TF: variants seen among roughly 807,000 people sequenced by gnomAD.
TF encodes serotransferrin.
TF carries 55 observed loss-of-function variants against 82.4 expected under a neutral mutation model. The observed-to-expected ratio is 0.67, with a 90% confidence interval of 0.54 to 0.84. The LOEUF (loss-of-function observed/expected upper bound fraction) is 0.84. TF is among the 40% of genes least tolerant of loss of function. The pLI, the probability that TF is intolerant of heterozygous loss-of-function variation, is 0.00. For missense variants in TF, 737 were observed against 868.4 expected (o/e 0.85, Z 1.90); for synonymous variants, 332 against 332.6 (o/e 1.00, Z 0.02).
chr3:133,726,730 G>T, the TF span, among the ~76,000 whole-genome samples: 1 of 152,130 alleles, frequency 6.6e-6, no homozygotes, highest in Non-Finnish European at 1.5e-5. Context: ...TGCATTTCTA[G>T]TTGTTTTAAT....
rs543821245 is a variant in TF, at chr3:133,781,723, T to G, written c.*3103T>G. On this transcript the variant is annotated 3_prime_UTR_variant, in exon 17 of 17. Coordinates refer to ENST00000402696, the MANE Select transcript of TF (RefSeq NM_001063.4). ...AGCTCTTCCAGCTGTTAAAATGTAATGATAAGCTCCTGAACCTTGGCCTTA... is the reference window on the plus strand; with the variant it reads ...AGCTCTTCCAGCTGTTAAAATGTAAGGATAAGCTCCTGAACCTTGGCCTTA... The G allele has an allele frequency of 6.6e-6, 1 of 152,262 alleles. No individual in the cohort carries two copies. The highest frequency in any genetic ancestry group is 2.4e-5 in the African/African-American group (1 of 41,552). The allele number at this position is 152,262 out of a possible 1,614,324, so 9.4% of individuals were successfully genotyped here.
intron 14 of TF, chr3:133,773,209 C>CACTGT (rs1404164095): frequency 2.6e-5 from 4 of 151,446 alleles, no homozygotes; most frequent in African/African-American, 9.7e-5. Context: ...TGTTGCTAGG[C>CACTGT]TGGAGTGCAG....
At chr3:133,699,378 C>A in the TF span, 1 of 811,570 alleles carries the variant, frequency 1.2e-6, no homozygotes, top group Non-Finnish European at 1.9e-6. Context: ...CGGTGAGGGG[C>A]ATGGGTCATC....
intron 2 of TF, among the ~76,000 whole-genome samples, chr3:133,749,938 T>C (rs1400868384): frequency 1.3e-5 from 2 of 152,044 alleles, no homozygotes; most frequent in African/African-American, 2.4e-5. Context: ...GGCTGGTCAG[T>C]GTAAATGTGA....
At chr3:133,741,527 G>A (rs1933388652), upstream of TF, among the ~76,000 whole-genome samples, 1 of 152,166 alleles carries the variant, frequency 6.6e-6, no homozygotes, top group Admixed American at 6.5e-5. Flanking sequence ...TATTCAGCAT[G>A]CCACATTAAG....
rs908358998 is a variant in TF at position 133,788,336 on chromosome 3, T to C, written c.*9716T>C. 5 of 152,244 alleles carry C rather than the reference T, an allele frequency of 3.3e-5. No homozygotes were observed. The highest frequency in any genetic ancestry group is 1.2e-4 in the African/African-American group (5 of 41,472). 9.4% of individuals were successfully genotyped at this position (152,244 alleles called of 1,614,324 possible). A position where few individuals can be genotyped will look rare whatever the true frequency, so the allele number is the denominator to read the frequency against. On this transcript the variant is annotated 3_prime_UTR_variant, in exon 17 of 17. Coordinates refer to ENST00000402696, the MANE Select transcript of TF (RefSeq NM_001063.4). ...ATCCTCTTCATTTACATAAGGCATA[T>C]ACCAAGTAACCAATGGAAACCTTGA...
chr3:133,696,145 C>T, the TF span, among the ~76,000 whole-genome samples: 1 of 152,054 alleles, frequency 6.6e-6, no homozygotes, highest in African/African-American at 2.4e-5. Context: ...TCAATTTTGG[C>T]TGGGCAGAGT....
rs142306321 is a variant in TF, at chr3:133,761,131, A to G, written c.1203+1802A>G. On this transcript the variant is annotated intron_variant, in intron 9 of 16. Transcript: ENST00000402696. ...AGTGCCCTCGGTTATTGCAGTAATC[A>G]TGTTCATGAGTAGACACACAGGACT... The G allele has an allele frequency of 5.3e-3, 990 of 185,524 alleles. 9 individuals are homozygous for G. Among genetic ancestry groups the G allele is most frequent in the African/African-American group, 0.021 (882 of 42,316 alleles). 11.5% of individuals were successfully genotyped at this position (185,524 alleles called of 1,614,324 possible).
At chr3:133,729,447 T>A in the TF span, among the ~76,000 whole-genome samples, 7 of 152,190 alleles carry the variant, frequency 4.6e-5, no homozygotes, top group African/African-American at 1.7e-4. Context: ...TCCGTGGGCG[T>A]AGGACCCTCT....
At chr3:133,705,889 TAAGA>T in the TF span, among the ~76,000 whole-genome samples, 1 of 152,208 alleles carries the variant, frequency 6.6e-6, no homozygotes, top group Non-Finnish European at 1.5e-5. Context: ...AGTTAATTGT[TAAGA>T]TGCAAACCTA....
the TF span, chr3:133,699,522 T>A: frequency 2.4e-5 from 25 of 1,036,376 alleles, no homozygotes; most frequent in African/African-American, 4.1e-4. Flanking sequence ...GGTAGTTGGA[T>A]ACAAGGACTG....
chr3:133,674,750 CCGGACAGTCAG>C, the TF span, among the ~76,000 whole-genome samples: 68 of 152,304 alleles, frequency 4.5e-4, no homozygotes, highest in Admixed American at 1.1e-3. Flanking sequence ...TGCGCGACAA[CCGGACAGTCAG>C]CGGGCCTGCG....
chr3:133,794,227 G>A lies in TF; in HGVS notation c.*15607G>A, dbSNP rs557569517. Reference sequence around the variant, plus strand: ...GTAAAATTTCTGCATTACATGACTCGTCACGGAAAAGATAAAATGATCCAA... The same window carrying A: ...GTAAAATTTCTGCATTACATGACTCATCACGGAAAAGATAAAATGATCCAA... On this transcript the variant is annotated 3_prime_UTR_variant, in exon 17 of 17. Transcript: ENST00000402696. The A allele has an allele frequency of 3.9e-5, 6 of 152,206 alleles. No individual in the cohort carries two copies. The highest frequency in any genetic ancestry group is 2.1e-4 in the South Asian group (1 of 4,814). 9.4% of individuals were successfully genotyped at this position (152,206 alleles called of 1,614,324 possible).
intron 2 of TF, 186 bp downstream of exon 2, chr3:133,748,770 C>A: frequency 4.1e-6 from 3 of 733,770 alleles, no homozygotes; most frequent in Admixed American, 4.9e-5. Flanking sequence ...AAGCAAAAGT[C>A]AAAAAGCACA....
chr3:133,666,735 G>A, the TF span, among the ~76,000 whole-genome samples: 1 of 151,972 alleles, frequency 6.6e-6, no homozygotes, highest in African/African-American at 2.4e-5. Flanking sequence ...AAAATAAAGA[G>A]AATTTAAAAA....
intron 3 of TF, 54 bp downstream of exon 3, chr3:133,753,757 G>A: frequency 3.5e-6 from 5 of 1,422,062 alleles, no homozygotes; most frequent in South Asian, 1.1e-5. Flanking sequence ...TCTATATGCT[G>A]AGTGCTGTGT....
the TF span, among the ~76,000 whole-genome samples, chr3:133,675,589 G>A: frequency 6.6e-6 from 1 of 152,172 alleles, no homozygotes. Context: ...TAAAATTTTG[G>A]GGAACTGGCA....
chr3:133,680,550 A>G, the TF span, among the ~76,000 whole-genome samples: 24 of 147,144 alleles, frequency 1.6e-4, no homozygotes, highest in South Asian at 1.5e-3. Flanking sequence ...TTTTTTTGAC[A>G]TAAGTACAGT....
the TF span, among the ~76,000 whole-genome samples, chr3:133,664,199 G>T: frequency 6.6e-6 from 1 of 152,216 alleles, no homozygotes; most frequent in Non-Finnish European, 1.5e-5. Flanking sequence ...TTGAACAGCA[G>T]TCCTTCAGGA....
Sources: allele counts gnomAD v4.1 joint callset (sites outside exome capture counted in the v4.1 genomes callset), GRCh38; gene constraint gnomAD v4.1.1; transcripts MANE v1.5; gene names NCBI Gene and HGNC (gene_info 2026-07-23, HGNC 2026-07-21).